Variants in UBE3B observed in about 807,000 individuals in gnomAD.
UBE3B encodes the protein ubiquitin-protein ligase E3B.
UBE3B carries 80 observed loss-of-function variants against 132.3 expected under a neutral mutation model. That is an observed-to-expected ratio of 0.60 (90% confidence interval 0.50 to 0.73). The LOEUF is 0.73. Ranked by LOEUF, UBE3B falls within the 30% of genes least tolerant of loss-of-function variation. The pLI is 0.00. For synonymous variants in UBE3B, 487 were observed against 520.4 expected (o/e 0.94, Z 0.87); for missense variants, 1,196 against 1,362.5 (o/e 0.88, Z 1.92).
chr12:109,529,772 T>G, intron 24 of UBE3B, 118 bp from the exon 25 acceptor site: 1 of 1,154,680 alleles, frequency 8.7e-7, no homozygotes, highest in Non-Finnish European at 1.3e-6. Flanking sequence ...AACACTCTGG[T>G]ACTATTTGTG....
chr12:109,488,725 G>A (rs546977764), intron 7 of UBE3B, 57 bp downstream of exon 7: 3 of 1,546,864 alleles, frequency 1.9e-6, no homozygotes, highest in East Asian at 4.5e-5. Flanking sequence ...GAGAGCTCAG[G>A]GACCTTTTTT....
At chr12:109,490,046 C>G (rs557336733) in intron 8 of UBE3B, 42 bp downstream of exon 8, 1 of 1,571,630 alleles carries the variant, frequency 6.4e-7, no homozygotes, top group South Asian at 1.1e-5. Context: ...TCTCCACTCT[C>G]CAACACCTGC....
chr12:109,491,258 C>A, intron 9 of UBE3B, 131 bp downstream of exon 9: 1 of 779,514 alleles, frequency 1.3e-6, no homozygotes, highest in Non-Finnish European at 2.0e-6. Context: ...AAGCATTGTT[C>A]TTAATGAAAG....
intron 14 of UBE3B, 105 bp downstream of exon 14, chr12:109,503,295 T>TTC: frequency 1.4e-6 from 2 of 1,457,892 alleles, no homozygotes; most frequent in Non-Finnish European, 1.8e-6. Flanking sequence ...TGAAAATAGA[T>TTC]TCTGAAGGAG....
intron 12 of UBE3B, among the ~76,000 whole-genome samples, 179 bp downstream of exon 12, chr12:109,499,989 G>A (rs1337827461): frequency 6.6e-6 from 1 of 152,190 alleles, no homozygotes; most frequent in Non-Finnish European, 1.5e-5. Context: ...CCATTATCCT[G>A]TAAACCAAAG....
intron 23 of UBE3B, among the ~76,000 whole-genome samples, chr12:109,525,589 A>G (rs1274693950): frequency 1.3e-5 from 2 of 152,216 alleles, no homozygotes; most frequent in African/African-American, 2.4e-5. Flanking sequence ...ATTGGCTTCA[A>G]ATGATATGTC....
In UBE3B at chr12:109,497,907, G is replaced by A. The variant is rs1878443428; in HGVS notation, c.803G>A (p.Ser268Asn). 6.2e-7 allele frequency: 1 copy of A among 1,614,026 alleles called. No individual in the cohort carries two copies. Among genetic ancestry groups the A allele is most frequent in the Non-Finnish European group, 8.5e-7 (1 of 1,180,026 alleles). ...MSVPALVTHL[S>N]TVTPERLTVL... ...GTGCCTGCTCTGGTGACTCATCTCA[G>A]CACAGTGACCCCTGAGGTAAGCAGG... Residue 268 changes from serine to asparagine, a missense_variant, in exon 10 of 28, where the codon AGC becomes AAC. Ser to Asn is a conservative substitution (Grantham distance 46, BLOSUM62 1). Transcript: ENST00000342494.
chr12:109,524,723 C>G (rs191582739), intron 23 of UBE3B, among the ~76,000 whole-genome samples: 1 of 152,172 alleles, frequency 6.6e-6, no homozygotes, highest in Non-Finnish European at 1.5e-5. Flanking sequence ...CGCAGAGACC[C>G]TGCTTTCTTA....
At chr12:109,515,370 G>T (rs56372973) in intron 18 of UBE3B, among the ~76,000 whole-genome samples, 10,135 of 151,226 alleles carry the variant, frequency 0.067, 559 homozygotes, top group Non-Finnish European at 0.1. Context: ...TTTTTTTGTT[G>T]TTGTTGTTGT....
rs201336062 is a variant in UBE3B, at chr12:109,486,580, C to CAAA, written c.447+26_447+28dup. On this transcript the variant is annotated splice_donor_region_variant and intron_variant, in intron 6 of 27. Coordinates refer to ENST00000342494, the MANE Select transcript of UBE3B (RefSeq NM_130466.4). ...GATTTTCTCAAGCAGCTCAAGGTAA[C>CAAA]AAAAAAAAAAAAAAAAAAAAAAAGC... 7.3e-4 allele frequency: 409 copies of CAAA among 562,560 alleles called. No individual in the cohort carries two copies. The highest frequency in any genetic ancestry group is 1.9e-3 in the South Asian group (75 of 39,678). 34.8% of individuals were successfully genotyped at this position (562,560 alleles called of 1,614,324 possible).
intron 24 of UBE3B, 116 bp downstream of exon 24, chr12:109,526,532 T>C (rs1882353018): frequency 5.4e-6 from 6 of 1,117,980 alleles, no homozygotes; most frequent in Non-Finnish European, 7.8e-6. Context: ...GCCATAAATA[T>C]CATAATGGAA....
intron 19 of UBE3B, among the ~76,000 whole-genome samples, chr12:109,519,245 C>G (rs1377672357): frequency 6.6e-6 from 1 of 152,204 alleles, no homozygotes; most frequent in Non-Finnish European, 1.5e-5. Context: ...GCCAGGCATC[C>G]CTTTTCTAGC....
In UBE3B at chr12:109,486,239, A is replaced by G. The variant is rs116996075; in HGVS notation, c.342+168A>G. 1.9e-3 allele frequency among the ~76,000 whole-genome samples: 292 copies of G among 152,366 alleles called. 2 individuals are homozygous for G. The highest frequency in any genetic ancestry group is 3.4e-3 in the Middle Eastern group (1 of 294). On this transcript the variant is annotated intron_variant, in intron 5 of 27. Transcript: ENST00000342494. ...TGATTCCTTAGTTTCTTCATGATCCAGGTAGCTACGTTCTGCTCTTGCCAC... is the reference window on the plus strand; with the variant it reads ...TGATTCCTTAGTTTCTTCATGATCCGGGTAGCTACGTTCTGCTCTTGCCAC...
Position 109,524,086 on chromosome 12 carries a change from G to T in UBE3B, c.2473G>T (p.Glu825Ter), listed in dbSNP as rs779946643. The change falls in exon 22 of 28, where the codon GAG becomes TAG. Residue 825 changes from glutamate (E) to a stop codon, truncating the protein, a stop_gained. Transcript: ENST00000342494. LOFTEE classifies it high-confidence loss of function. ...GGATGAACTGCCTTCTCTGGACTCC[G>T]AGTTCTATAAAAACCTCACCTCCAT... ...SVDELPSLDS[E>*]FYKNLTSIKR... is the part of the protein sequence containing the mutation. 6.2e-7 allele frequency: 1 copy of T among 1,614,036 alleles called. No homozygotes were observed. The highest frequency in any genetic ancestry group is 8.5e-7 in the Non-Finnish European group (1 of 1,180,032).
chr12:109,537,128 G>T (rs1883482291), downstream of UBE3B, among the ~76,000 whole-genome samples: 1 of 152,106 alleles, frequency 6.6e-6, no homozygotes, highest in Non-Finnish European at 1.5e-5. Flanking sequence ...AAGATTACTG[G>T]CATGAGCCAC....
chr12:109,523,310 G>A (rs558860537), intron 21 of UBE3B, among the ~76,000 whole-genome samples: 34 of 152,230 alleles, frequency 2.2e-4, no homozygotes, highest in African/African-American at 7.9e-4. Flanking sequence ...TCTTCCTCTC[G>A]CCAGCCCATT....
In UBE3B at chr12:109,530,045, A is replaced by G. The variant is rs1272469691; in HGVS notation, c.2783A>G (p.Asn928Ser). 1.2e-6 allele frequency: 2 copies of G among 1,610,218 alleles called. No homozygotes were observed. Among genetic ancestry groups the G allele is most frequent in the Admixed American group, 1.7e-5 (1 of 59,904 alleles). The part of the protein sequence containing the change: ...PELQRLISGD[N>S]AEIDLEDLKK... ...CTGCAGCGTCTCATCTCTGGCGACA[A>G]TGCTGAGATTGATCTGGAAGATTTA... The change falls in exon 25 of 28, where the codon AAT (asparagine) becomes AGT (serine). Residue 928 changes from asparagine (N) to serine (S), a missense_variant. Transcript: ENST00000342494.
chr12:109,526,534 A>G (rs1882353406), intron 24 of UBE3B, 118 bp downstream of exon 24: 3 of 1,097,846 alleles, frequency 2.7e-6, no homozygotes, highest in African/African-American at 3.1e-5. Flanking sequence ...CATAAATATC[A>G]TAATGGAATT....
chr12:109,500,075 AT>A (rs1179085652), intron 12 of UBE3B, among the ~76,000 whole-genome samples: 3 of 152,136 alleles, frequency 2.0e-5, no homozygotes, highest in Non-Finnish European at 2.9e-5. Flanking sequence ...AAATCCTATT[AT>A]TTTGTATTTT....
Sources: gnomAD v4.1 joint callset for allele counts (sites outside exome capture counted in the v4.1 genomes callset) on GRCh38, gnomAD v4.1.1 for gene constraint, MANE v1.5 for transcripts, NCBI Gene and HGNC (gene_info 2026-07-23, HGNC 2026-07-21) for gene names.